The following STAB1 variants were observed in gnomAD, a reference collection of about 807,000 sequenced individuals.
STAB1 encodes stabilin 1.
A neutral mutation model predicts 332.4 loss-of-function variants in STAB1; 250 were observed. The ratio of observed to expected loss-of-function variants is 0.75; its 90% CI spans 0.68 to 0.84. The LOEUF (loss-of-function observed/expected upper bound fraction) is 0.84. Among genes scored for constraint, STAB1 ranks in the 40% least tolerant of loss-of-function variants. STAB1 has a pLI of 0.00. For synonymous variants in STAB1, 1,475 were observed against 1,390.4 expected, an observed-to-expected ratio of 1.06 and a Z score of -1.35; for missense variants, 3,249 against 3,489.7, an observed-to-expected ratio of 0.93 and a Z score of 1.74.
Position 52,517,449 on chromosome 3 carries a change from C to T in STAB1, c.4563+56C>T, listed in dbSNP as rs563898181. Reference sequence around the variant, plus strand: ...CATGCCATGCCCTCACAGGATGGGGCCTCCCTTCAGGGCAGGCCCGGGGAG... The same window carrying T: ...CATGCCATGCCCTCACAGGATGGGGTCTCCCTTCAGGGCAGGCCCGGGGAG... On this transcript the variant is annotated intron_variant, in intron 43 of 68. Transcript: ENST00000321725. 6 of 1,574,792 alleles carry T rather than the reference C, an allele frequency of 3.8e-6. No homozygotes were observed. The Admixed American group carries it at 9.0e-5, about 24-fold the overall frequency.
In STAB1 at chr3:52,509,237, G is replaced by A; in HGVS notation, c.2263G>A (p.Ala755Thr). 1 of 1,613,438 alleles carries A rather than the reference G, an allele frequency of 6.2e-7. No individual in the cohort carries two copies. Among genetic ancestry groups the A allele is most frequent in the Non-Finnish European group, 8.5e-7 (1 of 1,179,958 alleles). ...NCSDGIQGNG[A>T]CLCFPDYKGI... ...CAGTGATGGGATCCAGGGCAATGGG[G>A]CCTGCCTCTGCTTCCCAGACTACAA... Residue 755 changes from alanine (A) to threonine (T), a missense_variant, in exon 22 of 69, where the codon GCC becomes ACC. By Grantham distance (58) the Ala-to-Thr change is moderately conservative. Transcript: ENST00000321725.
intron 25 of STAB1, 118 bp from the exon 26 acceptor site, chr3:52,511,532 T>C: frequency 1.2e-6 from 1 of 811,582 alleles, no homozygotes. Context: ...TGGGAGAAGT[T>C]CCTCTGGGGT....
rs777073715 is a variant in STAB1 at position 52,502,737 on chromosome 3, G to A, written c.583+10G>A. On this transcript the variant is annotated intron_variant, in intron 6 of 68. Coordinates refer to ENST00000321725, the MANE Select transcript of STAB1 (RefSeq NM_015136.3). ...CCCCACTGTGATCAAGGTGAGCAGC[G>A]CCACTGGGATAGCCTAGGGCAGCAG... 149 of 1,611,574 alleles carry A rather than the reference G, an allele frequency of 9.2e-5. No homozygotes were observed. Among genetic ancestry groups the A allele is most frequent in the Middle Eastern group, 1.6e-4 (1 of 6,062 alleles).
chr3:52,514,255 C>T (rs768649088), intron 33 of STAB1, 42 bp downstream of exon 33: 3 of 1,607,958 alleles, frequency 1.9e-6, no homozygotes, highest in Non-Finnish European at 2.5e-6. Context: ...AGGGCAAAGG[C>T]ATAGAGGGCG....
chr3:52,504,383 G>T lies in STAB1; in HGVS notation c.1151-78G>T, dbSNP rs1204867632. ...CCCCACCCCAACTCCCCCACACCAGGTCTGATGCCCGAACATCTTCTGAGA... is the reference window on the plus strand; with the variant it reads ...CCCCACCCCAACTCCCCCACACCAGTTCTGATGCCCGAACATCTTCTGAGA... On this transcript the variant is annotated intron_variant, in intron 10 of 68. Transcript: ENST00000321725. 5 of 1,523,624 alleles carry T rather than the reference G, an allele frequency of 3.3e-6. No homozygotes were observed. In the East Asian group the frequency reaches 9.0e-5, roughly 27 times the overall value. The allele number at this position is 1,523,624 out of a possible 1,614,324, so 94.4% of individuals were successfully genotyped here.
At chr3:52,514,335 A>T in intron 33 of STAB1, 30 bp from the exon 34 acceptor site, 2 of 1,556,366 alleles carry the variant, frequency 1.3e-6, no homozygotes, top group African/African-American at 2.7e-5. Context: ...GTTATCCTGC[A>T]GTCCCCTGGG....
At chr3:52,518,919 CT>C (rs1559714244) in intron 48 of STAB1, 50 bp downstream of exon 48, 42 of 1,456,200 alleles carry the variant, frequency 2.9e-5, no homozygotes, top group Middle Eastern at 2.5e-4. Flanking sequence ...CGCCCCGCCC[CT>C]GCGCGCCATT....
chr3:52,516,570 G>T lies in STAB1; in HGVS notation c.4269G>T (p.Lys1423Asn), dbSNP rs1286613811. Reference protein sequence around the residue: ...QKITSPQCPRKCDPNANCVQD... With the variant: ...QKITSPQCPRNCDPNANCVQD... ...TCACCAGCCCTCAGTGCCCTAGGAA[G>T]TGCGACCCCAATGCCAAGTGAGTGG... is the stretch of plus-strand genomic sequence containing the variant. The change falls in exon 40 of 69, where the codon AAG (lysine) becomes AAT (asparagine). Residue 1423 changes from lysine (K) to asparagine (N), a missense_variant. Physicochemically the swap from Lys to Asn is moderately conservative, Grantham distance 94. Coordinates refer to ENST00000321725, the MANE Select transcript of STAB1 (RefSeq NM_015136.3). 5.0e-6 allele frequency: 8 copies of T among 1,613,182 alleles called. No individual in the cohort carries two copies. In the South Asian group the frequency reaches 6.6e-5, roughly 13 times the overall value.
rs768847782 is a variant in STAB1 at position 52,509,896 on chromosome 3, G to A, written c.2374G>A (p.Asp792Asn). Reference sequence around the variant, plus strand: ...CTGCGGCTGTGTCCATGGTCTCTGCGACAACCGCCCAGGCAGTGGGGGGGT... The same window carrying A: ...CTGCGGCTGTGTCCATGGTCTCTGCAACAACCGCCCAGGCAGTGGGGGGGT... ...EDCGCVHGLC[D>N]NRPGSGGVCQ... Residue 792 changes from aspartate (D) to asparagine (N), a missense_variant, in exon 23 of 69, where the codon GAC becomes AAC. Transcript: ENST00000321725. 3.3e-5 allele frequency: 54 copies of A among 1,612,892 alleles called. No homozygotes were observed. Among genetic ancestry groups the A allele is most frequent in the African/African-American group, 8.0e-5 (6 of 74,930 alleles).
In STAB1 at chr3:52,513,926, T is replaced by C. The variant is rs530284616; in HGVS notation, c.3392T>C (p.Leu1131Ser). Residue 1131 changes from leucine to serine, a missense_variant, in exon 32 of 69, where the codon TTG becomes TCG. Transcript: ENST00000321725. ...PRGDVPGGQG[L>S]LQQLDLVPAF... Reference sequence around the variant, plus strand: ...GGGGATGTGCCCGGTGGGCAGGGGTTGCTGCAGCAGCTGGACTTGGTGCCT... The same window carrying C: ...GGGGATGTGCCCGGTGGGCAGGGGTCGCTGCAGCAGCTGGACTTGGTGCCT... 6.8e-6 allele frequency: 11 copies of C among 1,606,186 alleles called. No homozygotes were observed. Among genetic ancestry groups the C allele is most frequent in the Non-Finnish European group, 9.4e-6 (11 of 1,174,684 alleles).
chr3:52,520,982 G>A lies in STAB1; in HGVS notation c.5885G>A (p.Gly1962Asp). The change falls in exon 55 of 69, where the codon GGT (glycine) becomes GAT (aspartate). Residue 1962 changes from glycine to aspartate, a missense_variant. Physicochemically the swap from Gly to Asp is moderately conservative, Grantham distance 94 (BLOSUM62 -1). Coordinates refer to ENST00000321725, the MANE Select transcript of STAB1 (RefSeq NM_015136.3). ...ACCTGGAAGCCCAGCTGCTGCCCTG[G>A]TCACTATGGCAGTGAGTGCCAAGGT... ...TTTWKPSCCP[G>D]HYGSECQACP... The A allele has an allele frequency of 6.4e-7, 1 of 1,562,502 alleles. No homozygotes were observed. The highest frequency in any genetic ancestry group is 1.4e-5 in the African/African-American group (1 of 73,662).
At chr3:52,514,902 G>A (rs1006795593) in intron 35 of STAB1, 73 bp downstream of exon 35, 1 of 1,612,412 alleles carries the variant, frequency 6.2e-7, no homozygotes, top group African/African-American at 1.3e-5. Context: ...CCTGACTAGT[G>A]GGGAGGGGCG....
chr3:52,502,020 G>C lies in STAB1; in HGVS notation c.346G>C (p.Ala116Pro). The stretch of plus-strand genomic sequence containing the variant: ...GGGGTCCACAGAATGCCCTGGGGGC[G>C]CTGAGACCCCATGCAATGGCCACGG... ...GSRCHECPGG[A>P]ETPCNGHGTC... Residue 116 changes from alanine to proline, a missense_variant, in exon 4 of 69, where the codon GCT becomes CCT. Physicochemically the swap from Ala to Pro is conservative, Grantham distance 27 (BLOSUM62 -1). Coordinates refer to ENST00000321725, the MANE Select transcript of STAB1 (RefSeq NM_015136.3). The C allele has an allele frequency of 1.2e-6, 2 of 1,612,624 alleles. No homozygotes were observed. The highest frequency in any genetic ancestry group is 1.1e-5 in the South Asian group (1 of 91,046).
chr3:52,518,049 C>T, intron 45 of STAB1, 46 bp downstream of exon 45: 5 of 1,565,984 alleles, frequency 3.2e-6, no homozygotes, highest in Non-Finnish European at 4.3e-6. Context: ...TGGCTGTGCC[C>T]CATGGGCCTG....
intron 19 of STAB1, 57 bp downstream of exon 19, chr3:52,507,732 C>T (rs1708980272): frequency 1.4e-5 from 23 of 1,605,170 alleles, no homozygotes; most frequent in Non-Finnish European, 1.8e-5. Flanking sequence ...GAGGTTTCTG[C>T]CCTGGGTCAC....
Position 52,501,308 on chromosome 3 carries a change from G to T in STAB1, c.215+6G>T. 1 of 1,612,512 alleles carries T rather than the reference G, an allele frequency of 6.2e-7. No individual in the cohort carries two copies. Among genetic ancestry groups the T allele is most frequent in the South Asian group, 1.1e-5 (1 of 91,080 alleles). ...CAGATAACCCAGGACTGCCGGTGCG[G>T]GCCACCCCTGTCCTTGCCTGTGTCC... On this transcript the variant is annotated splice_donor_region_variant and intron_variant, in intron 2 of 68. Coordinates refer to ENST00000321725, the MANE Select transcript of STAB1 (RefSeq NM_015136.3).
rs1324562062 is a variant in STAB1 at position 52,510,339 on chromosome 3, G to T, written c.2629-10G>T. On this transcript the variant is annotated splice_polypyrimidine_tract_variant and intron_variant, in intron 24 of 68. Transcript: ENST00000321725. Reference sequence around the variant, plus strand: ...TGTGTCCCTCAGTTATTTATCCATGGCTCTCACAGGCTGAGTGTGTCCCTG... The same window carrying T: ...TGTGTCCCTCAGTTATTTATCCATGTCTCTCACAGGCTGAGTGTGTCCCTG... 1.2e-6 allele frequency: 2 copies of T among 1,613,894 alleles called. No individual in the cohort carries two copies. The highest frequency in any genetic ancestry group is 1.7e-5 in the Admixed American group (1 of 60,030).
At chr3:52,506,109 TG>T in intron 16 of STAB1, 60 bp from the exon 17 acceptor site, 2 of 1,560,516 alleles carry the variant, frequency 1.3e-6, no homozygotes. Context: ...TGGGCAGGAC[TG>T]GGCGTGGCCC....
rs746264088 is a variant in STAB1, at chr3:52,514,461, G to GC, written c.3646dup (p.His1216ProfsTer13). On this transcript the variant is annotated frameshift_variant, in exon 34 of 69. Coordinates refer to ENST00000321725, the MANE Select transcript of STAB1 (RefSeq NM_015136.3). LOFTEE classifies it high-confidence loss of function. ...ACACCGCAACTCCCTCCTGGGCCCT[G>GC]CCCACTGGATCGTCTTCTACAACCA... 2 of 1,542,686 alleles carry GC rather than the reference G, an allele frequency of 1.3e-6. No homozygotes were observed. The highest frequency in any genetic ancestry group is 8.7e-7 in the Non-Finnish European group (1 of 1,146,124).
Sources: gnomAD v4.1 joint callset for allele counts on GRCh38, gnomAD v4.1.1 for gene constraint, MANE v1.5 for transcripts, NCBI Gene and HGNC (gene_info 2026-07-23, HGNC 2026-07-21) for gene names.